Variants in ZNF33B observed in about 807,000 individuals in gnomAD.
ZNF33B encodes zinc finger protein 33B, also known as zinc finger protein 11b (KOX 2).
Under a neutral mutation model 45.8 loss-of-function variants are expected in ZNF33B, and 29 were observed. The observed-to-expected ratio is 0.63, with a 90% confidence interval of 0.47 to 0.86. The LOEUF (loss-of-function observed/expected upper bound fraction) is 0.86, where lower values mean the gene tolerates loss of function less well. Among genes scored for constraint, ZNF33B ranks in the 40% least tolerant of loss-of-function variants. The pLI, the probability that ZNF33B is intolerant of heterozygous loss-of-function variation, is 0.00. For missense variants in ZNF33B, 831 were observed against 909.9 expected (o/e 0.91, Z 1.12); for synonymous variants, 305 against 307.8 (o/e 0.99, Z 0.10).
chr10:42,632,339 T>C lies in ZNF33B; in HGVS notation c.110A>G (p.Tyr37Cys), dbSNP rs757667782. The C allele has an allele frequency of 2.5e-6, 4 of 1,613,512 alleles. No individual in the cohort carries two copies. Among genetic ancestry groups the C allele is most frequent in the South Asian group, 2.2e-5 (2 of 90,946 alleles). Residue 37 changes from tyrosine to cysteine, a missense_variant, in exon 3 of 5, where the codon TAT (tyrosine) becomes TGT (cysteine). Physicochemically the swap from Tyr to Cys is radical, Grantham distance 194. Transcript: ENST00000359467. ...GTAGTTCTCCAGCATCACATCTCTA[T>C]ACAGAGCCCTCTGACTAGGGTCCAG... ...QHLDPSQRALYRDVMLENYSN... is the reference protein window; with the variant it reads ...QHLDPSQRALCRDVMLENYSN...
Position 42,590,608 on chromosome 10 carries a change from A to G in ZNF33B, c.*2005T>C, listed in dbSNP as rs1265556601. 1.3e-5 allele frequency: 2 copies of G among 152,108 alleles called. No homozygotes were observed. The highest frequency in any genetic ancestry group is 4.8e-5 in the African/African-American group (2 of 41,408). 9.4% of individuals were successfully genotyped at this position (152,108 alleles called of 1,614,324 possible). On this transcript the variant is annotated 3_prime_UTR_variant, in exon 5 of 5. Coordinates refer to ENST00000359467, the MANE Select transcript of ZNF33B (RefSeq NM_006955.3). ...TTGGAAGGTTATTAATTACTGCTTC[A>G]ATTTATTTAATAGATATATATGCCT...
chr10:42,575,932 C>A (rs1836743297), intron 1 of ZNF33B, among the ~76,000 whole-genome samples: 1 of 147,620 alleles, frequency 6.8e-6, no homozygotes, highest in Non-Finnish European at 1.5e-5. Flanking sequence ...CGCTCTTGTC[C>A]CCCAGACTGG....
chr10:42,582,811 C>T (rs150091263), intron 1 of ZNF33B: 2,879 of 245,112 alleles, frequency 0.012, 81 homozygotes, highest in African/African-American at 0.059. Context: ...TCCAAGGACA[C>T]GAGAAGCCTC....
At chr10:42,638,204 C>A (rs1216416095) in intron 1 of ZNF33B, among the ~76,000 whole-genome samples, 1 of 152,266 alleles carries the variant, frequency 6.6e-6, no homozygotes, top group African/African-American at 2.4e-5. Context: ...TCCCGCAAGG[C>A]TCAGCGCTCG....
At chr10:42,622,331 C>G (rs114036693) in intron 4 of ZNF33B, among the ~76,000 whole-genome samples, 2,552 of 152,254 alleles carry the variant, frequency 0.017, 77 homozygotes, top group African/African-American at 0.058. Context: ...AAATAAAAAG[C>G]TGATCCTTAA....
chr10:42,576,873 C>T (rs1421101275), intron 1 of ZNF33B, among the ~76,000 whole-genome samples: 1 of 152,018 alleles, frequency 6.6e-6, no homozygotes. Flanking sequence ...TGGCTCATGC[C>T]TATAATCCCA....
At chr10:42,620,591 G>A (rs911707578) in intron 4 of ZNF33B, among the ~76,000 whole-genome samples, 1 of 149,314 alleles carries the variant, frequency 6.7e-6, no homozygotes, top group African/African-American at 2.5e-5. Context: ...AATTTTTTTT[G>A]TAGAAACGGA....
intron 4 of ZNF33B, among the ~76,000 whole-genome samples, chr10:42,615,045 A>C (rs1360594897): frequency 1.3e-5 from 2 of 152,320 alleles, no homozygotes; most frequent in East Asian, 3.9e-4. Flanking sequence ...CTGGATTGGT[A>C]TAATAAATAA....
At chr10:42,576,331 T>A (rs1383524875) in intron 1 of ZNF33B, among the ~76,000 whole-genome samples, 19 of 152,208 alleles carry the variant, frequency 1.2e-4, no homozygotes, top group Admixed American at 6.6e-5. Flanking sequence ...TATTGATTTT[T>A]AGCTAATTCG....
rs1359128721 is a variant in ZNF33B, at chr10:42,591,803, A to G, written c.*810T>C. 1.3e-5 allele frequency: 2 copies of G among 156,232 alleles called. No homozygotes were observed. Among genetic ancestry groups the G allele is most frequent in the Non-Finnish European group, 2.8e-5 (2 of 71,832 alleles). The allele number at this position is 156,232 out of a possible 1,614,324, so 9.7% of individuals were successfully genotyped here. A position where few individuals can be genotyped will look rare whatever the true frequency, so the allele number is the denominator to read the frequency against. ...GGTGTGGTTATTAATACAACAAGGG[A>G]ACTACTTGAGGCTAAATCCTGATTC... On this transcript the variant is annotated 3_prime_UTR_variant, in exon 5 of 5. Transcript: ENST00000359467.
At chr10:42,585,818 C>T (rs1836923292), downstream of ZNF33B, among the ~76,000 whole-genome samples, 1 of 152,184 alleles carries the variant, frequency 6.6e-6, no homozygotes, top group Non-Finnish European at 1.5e-5. Context: ...GTCTGTGTCT[C>T]CTCTCTTCCA....
intron 4 of ZNF33B, among the ~76,000 whole-genome samples, chr10:42,623,937 T>C (rs937570266): frequency 1.3e-5 from 2 of 151,966 alleles, no homozygotes; most frequent in African/African-American, 2.4e-5. Context: ...TTGTCAAATG[T>C]CTTAGCTTCA....
intron 2 of ZNF33B, 128 bp downstream of exon 2, chr10:42,636,792 C>A: frequency 7.5e-7 from 1 of 1,334,992 alleles, no homozygotes; most frequent in Non-Finnish European, 1.1e-6. Context: ...GGAGACACTG[C>A]GCTCCAGCCT....
intron 1 of ZNF33B, chr10:42,583,250 A>T: frequency 1.6e-6 from 1 of 612,690 alleles, no homozygotes. Context: ...GGAGGGAGAC[A>T]AAAGTGATGC....
chr10:42,577,348 A>T (rs1270373458), intron 1 of ZNF33B, among the ~76,000 whole-genome samples: 1 of 151,896 alleles, frequency 6.6e-6, no homozygotes, highest in Admixed American at 6.6e-5. Context: ...ACCCTCTCCC[A>T]TTCCTTATCT....
At chr10:42,633,964 C>T (rs929097645) in intron 2 of ZNF33B, among the ~76,000 whole-genome samples, 1 of 57,728 alleles carries the variant, frequency 1.7e-5, no homozygotes, top group African/African-American at 7.3e-5. Flanking sequence ...GAGCAAAACT[C>T]CATCTCAAAA....
At chr10:42,584,525 C>CTT (rs200015044), downstream of ZNF33B, among the ~76,000 whole-genome samples, 39 of 143,896 alleles carry the variant, frequency 2.7e-4, no homozygotes, top group African/African-American at 8.3e-4. Context: ...TTCCTTTGAG[C>CTT]TTTTTTTTTT....
At chr10:42,619,300 T>G (rs1281704593) in intron 4 of ZNF33B, among the ~76,000 whole-genome samples, 2 of 152,102 alleles carry the variant, frequency 1.3e-5, no homozygotes, top group Non-Finnish European at 2.9e-5. Flanking sequence ...GGAGCTCATA[T>G]CTCCGCAGAA....
chr10:42,636,824 T>C (rs1342533011), intron 2 of ZNF33B, 96 bp downstream of exon 2: 56 of 1,560,592 alleles, frequency 3.6e-5, no homozygotes, highest in Non-Finnish European at 6.2e-6. Flanking sequence ...CGAGACTCCA[T>C]GTCACAAACA....
Sources: allele counts gnomAD v4.1 joint callset (sites outside exome capture counted in the v4.1 genomes callset), GRCh38; gene constraint gnomAD v4.1.1; transcripts MANE v1.5; gene names NCBI Gene and HGNC (gene_info 2026-07-23, HGNC 2026-07-21).